Variants in ERN2 observed in about 807,000 individuals in gnomAD.
ERN2 encodes the protein serine/threonine-protein kinase/endoribonuclease IRE2.
In ERN2, 111 loss-of-function variants were observed where a neutral mutation model predicts 107.9. The observed-to-expected ratio is 1.03, with a 90% CI of 0.88 to 1.20. ERN2 has a LOEUF of 1.20. ERN2 is among the 50% of genes most tolerant of loss of function. The pLI is 0.00. For missense variants in ERN2, 1,225 were observed against 1,197.9 expected (o/e 1.02, Z -0.33); for synonymous variants, 524 against 501.7 (o/e 1.04, Z -0.59).
intron 14 of ERN2, 146 bp downstream of exon 14, chr16:23,695,744 AAAAC>A (rs1371820527): frequency 3.5e-5 from 21 of 598,292 alleles, no homozygotes; most frequent in Non-Finnish European, 5.3e-5. Context: ...AAAAAAAAAA[AAAAC>A]AGATAAAGGA....
intron 8 of ERN2, among the ~76,000 whole-genome samples, chr16:23,703,384 C>T (rs1960169431): frequency 6.6e-6 from 1 of 152,210 alleles, no homozygotes; most frequent in African/African-American, 2.4e-5. Context: ...TCCTTGCTCA[C>T]AATCGTCAAA....
chr16:23,700,208 A>T (rs1959988659), intron 13 of ERN2, among the ~76,000 whole-genome samples: 1 of 152,146 alleles, frequency 6.6e-6, no homozygotes, highest in Non-Finnish European at 1.5e-5. Flanking sequence ...ATGGTGGTTT[A>T]TGCCTGTAGT....
chr16:23,698,009 C>A (rs1355896458), intron 13 of ERN2, among the ~76,000 whole-genome samples: 5 of 152,108 alleles, frequency 3.3e-5, no homozygotes, highest in Admixed American at 2.6e-4. Flanking sequence ...CTAAGCCTCC[C>A]AAGCTCAATT....
intron 17 of ERN2, among the ~76,000 whole-genome samples, 177 bp downstream of exon 17, chr16:23,694,551 T>TA (rs1959720833): frequency 6.6e-6 from 1 of 152,200 alleles, no homozygotes; most frequent in Non-Finnish European, 1.5e-5. Context: ...ACAGTCCTGA[T>TA]ACTGCTGTAG....
At chr16:23,711,881 C>T (rs531708023) in intron 1 of ERN2, 352 of 208,992 alleles carry the variant, frequency 1.7e-3, no homozygotes, top group South Asian at 0.012. Flanking sequence ...CAAACCAGCC[C>T]AGCTGGTTTT....
In ERN2 at chr16:23,713,191, G is replaced by A. The variant is rs533772256; in HGVS notation, c.-4C>T. On this transcript the variant is annotated 5_prime_UTR_variant, in exon 1 of 22. Coordinates refer to ENST00000256797, the MANE Select transcript of ERN2 (RefSeq NM_033266.4). ...ACCCCCTGACCGCACTCGCCATAGCGCCTGGGCAGCTGCACGGCTGGCCAG... is the reference window on the plus strand; with the variant it reads ...ACCCCCTGACCGCACTCGCCATAGCACCTGGGCAGCTGCACGGCTGGCCAG... 7.6e-6 allele frequency: 12 copies of A among 1,578,720 alleles called. No individual in the cohort carries two copies. In the African/African-American group the frequency reaches 1.5e-4, roughly 20 times the overall value.
At position 23,690,597 on chromosome 16, in the gene ERN2, G is replaced by T. The variant is rs977146767; in HGVS notation, c.*234C>A. ...AGCCTCCCAAGCAGCTGGGACTACA[G>T]GCGTGCGCCACCATGCCTGGCTAAT... is the stretch of plus-strand genomic sequence containing the variant. On this transcript the variant is annotated 3_prime_UTR_variant, in exon 22 of 22. Transcript: ENST00000256797. 15 of 550,490 alleles carry T rather than the reference G, an allele frequency of 2.7e-5. No individual in the cohort carries two copies. Among genetic ancestry groups the T allele is most frequent in the African/African-American group, 1.5e-4 (8 of 53,102 alleles). 34.1% of individuals were successfully genotyped at this position (550,490 alleles called of 1,614,324 possible).
At chr16:23,711,416 G>T (rs1960536463) in intron 1 of ERN2, among the ~76,000 whole-genome samples, 1 of 152,148 alleles carries the variant, frequency 6.6e-6, no homozygotes, top group South Asian at 2.1e-4. Context: ...GAATGAAGTG[G>T]CATAGTCATA....
intron 13 of ERN2, among the ~76,000 whole-genome samples, chr16:23,698,876 C>T (rs1959933389): frequency 6.6e-6 from 1 of 152,216 alleles, no homozygotes; most frequent in Non-Finnish European, 1.5e-5. Context: ...GCATGAGCCA[C>T]CGTGCCCAGC....
chr16:23,711,850 G>C (rs1294680195), intron 1 of ERN2: 1 of 194,664 alleles, frequency 5.1e-6, no homozygotes. Flanking sequence ...ACCTCTTTTG[G>C]GATGCCCCTT....
At chr16:23,693,262 C>A (rs980628030) in intron 17 of ERN2, among the ~76,000 whole-genome samples, 1 of 151,548 alleles carries the variant, frequency 6.6e-6, no homozygotes, top group Non-Finnish European at 1.5e-5. Context: ...TGACTGCACT[C>A]CATGACAGAG....
In ERN2 at chr16:23,706,532, C is replaced by T. The variant is rs371638116; in HGVS notation, c.488-101G>A. ...CAGGAGTGGGGGTTTCCTGAGCACA[C>T]AGCCTAGAGACCTGGAAGCCTGTGA... On this transcript the variant is annotated intron_variant, in intron 6 of 21. Coordinates refer to ENST00000256797, the MANE Select transcript of ERN2 (RefSeq NM_033266.4). 1.4e-5 allele frequency: 13 copies of T among 906,672 alleles called. No individual in the cohort carries two copies. In the East Asian group the frequency reaches 1.6e-4, roughly 11 times the overall value. The allele number at this position is 906,672 out of a possible 1,614,324, so 56.2% of individuals were successfully genotyped here.
Position 23,695,930 on chromosome 16 carries a change from AC to A in ERN2, c.1573del (p.Val525CysfsTer78), listed in dbSNP as rs759864423. 36 of 1,614,054 alleles carry A rather than the reference AC, an allele frequency of 2.2e-5. No individual in the cohort carries two copies. The highest frequency in any genetic ancestry group is 3.0e-5 in the Non-Finnish European group (35 of 1,180,012). ...VGKISFNPKD[V>X]LGRGAGGTFV... is the part of the protein sequence containing the mutation. ...AGTCCCGCCTGCCCCGCGGCCCAGCACGTCCTTGGGATTGAAGGAAATCTTC... is the reference window on the plus strand; with the variant it reads ...AGTCCCGCCTGCCCCGCGGCCCAGCAGTCCTTGGGATTGAAGGAAATCTTC... On this transcript the variant is annotated frameshift_variant, in exon 14 of 22. Transcript: ENST00000256797. LOFTEE classifies it high-confidence loss of function.
intron 13 of ERN2, chr16:23,697,132 C>T (rs1467827181): frequency 6.6e-6 from 1 of 151,580 alleles, no homozygotes; most frequent in African/African-American, 2.4e-5. Flanking sequence ...GATCACGCCA[C>T]TACATTTCAG....
At chr16:23,698,956 A>G (rs1278941848) in intron 13 of ERN2, among the ~76,000 whole-genome samples, 1 of 152,218 alleles carries the variant, frequency 6.6e-6, no homozygotes, top group African/African-American at 2.4e-5. Context: ...AAAATAGTCC[A>G]TGAGGACTTT....
chr16:23,699,509 G>A (rs1341410756), intron 13 of ERN2, among the ~76,000 whole-genome samples: 4 of 152,146 alleles, frequency 2.6e-5, no homozygotes, highest in Admixed American at 6.5e-5. Flanking sequence ...CTGCAGCCTC[G>A]ACCTTCTGGA....
In ERN2 at chr16:23,710,076, C is replaced by G. The variant is rs1437963461; in HGVS notation, c.306+96G>C. On this transcript the variant is annotated intron_variant, in intron 4 of 21. Transcript: ENST00000256797. The stretch of plus-strand genomic sequence containing the variant: ...GTCCTGACTTATATCCTCTGCAGAA[C>G]AGGAGATACTGACCATACTGCCTCT... 11 of 821,808 alleles carry G rather than the reference C, an allele frequency of 1.3e-5. No individual in the cohort carries two copies. In the East Asian group the frequency reaches 2.2e-4, roughly 16 times the overall value. 50.9% of individuals were successfully genotyped at this position (821,808 alleles called of 1,614,324 possible). A position where few individuals can be genotyped will look rare whatever the true frequency, so the allele number is the denominator to read the frequency against.
intron 4 of ERN2, chr16:23,707,281 C>A: frequency 6.9e-6 from 4 of 581,456 alleles, no homozygotes; most frequent in Non-Finnish European, 1.2e-5. Context: ...TGGCCTTGAA[C>A]CCAGGCAGTC....
At chr16:23,706,468 A>C in intron 6 of ERN2, 37 bp from the exon 7 acceptor site, 1 of 1,459,832 alleles carries the variant, frequency 6.9e-7, no homozygotes, top group Non-Finnish European at 9.4e-7. Context: ...AGGAACGTCC[A>C]TTTGATGCTC....
Sources: allele counts gnomAD v4.1 joint callset (sites outside exome capture counted in the v4.1 genomes callset), GRCh38; gene constraint gnomAD v4.1.1; transcripts MANE v1.5; gene names NCBI Gene and HGNC (gene_info 2026-07-23, HGNC 2026-07-21).